Variants in CFAP46 observed in about 807,000 individuals in gnomAD.
CFAP46 encodes the protein cilia- and flagella-associated protein 46.
A neutral mutation model predicts 325.7 loss-of-function variants in CFAP46; 245 were observed. The observed-to-expected ratio is 0.75, with a 90% CI of 0.68 to 0.84. CFAP46 has a LOEUF of 0.84. Among genes scored for constraint, CFAP46 ranks in the 40% least tolerant of loss-of-function variants. The pLI is 0.00. For synonymous variants in CFAP46, 1,523 were observed against 1,495.9 expected (o/e 1.02, Z -0.42); for missense variants, 3,346 against 3,543.0 (o/e 0.94, Z 1.41).
Position 132,919,541 on chromosome 10 carries a change from T to C in CFAP46, c.1731-99A>G. ...CTGGCTGCCTGAGAAAAGGCCACTG[T>C]GGCTCTGCAGTTTCAAGGTGGCAAG... is the stretch of plus-strand genomic sequence containing the variant. On this transcript the variant is annotated intron_variant, in intron 14 of 57. Transcript: ENST00000368586. The surrounding 1 kb of genome is among the most constrained non-coding windows in gnomAD (Gnocchi z 9.7). The C allele has an allele frequency of 2.1e-6, 3 of 1,436,428 alleles. No homozygotes were observed. The highest frequency in any genetic ancestry group is 2.8e-6 in the Non-Finnish European group (3 of 1,082,718). 89.0% of individuals were successfully genotyped at this position (1,436,428 alleles called of 1,614,324 possible).
At chr10:132,860,648 CTG>C in intron 36 of CFAP46, 125 bp from the exon 37 acceptor site, 2 of 1,207,742 alleles carry the variant, frequency 1.7e-6, no homozygotes, top group Admixed American at 4.1e-5. Context: ...ACGGGTGTGT[CTG>C]AGGGTGGGGC....
rs975109407 is a variant in CFAP46, at chr10:132,832,394, C to T, written c.7117+964G>A. On this transcript the variant is annotated intron_variant, in intron 50 of 57. Coordinates refer to ENST00000368586, the MANE Select transcript of CFAP46 (RefSeq NM_001200049.3). This position sits in a 1 kb window ranked among gnomAD's most constrained non-coding sequence, Gnocchi z 4.1. Reference sequence around the variant, plus strand: ...AGACCCCTGGGCTCTTCCTGCCCCCCCCCCCCAATGCTGTGGCCTGGAAAT... The same window carrying T: ...AGACCCCTGGGCTCTTCCTGCCCCCTCCCCCCAATGCTGTGGCCTGGAAAT... Among the ~76,000 whole-genome samples, 1 of 139,562 alleles carries T rather than the reference C, an allele frequency of 7.2e-6. No individual in the cohort carries two copies. Among genetic ancestry groups the T allele is most frequent in the Admixed American group, 7.0e-5 (1 of 14,238 alleles). The allele number at this position is 139,562 out of a possible 152,430, so 91.6% of individuals were successfully genotyped here. A position where few individuals can be genotyped will look rare whatever the true frequency, so the allele number is the denominator to read the frequency against.
rs1464411384 is a variant in CFAP46 at position 132,835,277 on chromosome 10, G to A, written c.6744+27C>T. 4 of 1,609,748 alleles carry A rather than the reference G, an allele frequency of 2.5e-6. No individual in the cohort carries two copies. In the Admixed American group the frequency reaches 5.0e-5, roughly 20 times the overall value. ...GGTGGGGAGCAGAGGGTCCCGGCTGGGTGGCTTGGAGCCTGGAGGGCCTCA... is the reference window on the plus strand; with the variant it reads ...GGTGGGGAGCAGAGGGTCCCGGCTGAGTGGCTTGGAGCCTGGAGGGCCTCA... On this transcript the variant is annotated intron_variant, in intron 47 of 57. Coordinates refer to ENST00000368586, the MANE Select transcript of CFAP46 (RefSeq NM_001200049.3).
intron 38 of CFAP46, among the ~76,000 whole-genome samples, chr10:132,858,656 C>T (rs1457672278): frequency 6.6e-6 from 1 of 152,066 alleles, no homozygotes; most frequent in East Asian, 1.9e-4. Flanking sequence ...CTGCAAGCAG[C>T]TCAGGGCTGT....
intron 48 of CFAP46, 151 bp downstream of exon 48, chr10:132,834,503 A>G: frequency 2.7e-6 from 3 of 1,112,934 alleles, no homozygotes; most frequent in Non-Finnish European, 1.3e-6. Context: ...GAACCAGAAG[A>G]ATTGCTTCCT....
rs746930431 is a variant in CFAP46 at position 132,812,761 on chromosome 10, G to A, written c.7501+24C>T. On this transcript the variant is annotated intron_variant, in intron 55 of 57. Coordinates refer to ENST00000368586, the MANE Select transcript of CFAP46 (RefSeq NM_001200049.3). ...GTTTGTCCTGTGCCCGCGGGGGAGG[G>A]GGTGCTGAGAGGACACCTCTCACCT... The A allele has an allele frequency of 2.6e-6, 4 of 1,558,582 alleles. No homozygotes were observed. In the South Asian group the frequency reaches 3.3e-5, roughly 13 times the overall value.
At chr10:132,854,769 A>G (rs1370603063) in intron 39 of CFAP46, among the ~76,000 whole-genome samples, 9 of 152,116 alleles carry the variant, frequency 5.9e-5, no homozygotes, top group Admixed American at 5.9e-4. Flanking sequence ...CGACATTTTC[A>G]TCACTCCAAA....
At chr10:132,931,604 TACAGAGGCTAGG>T (rs1849904788) in intron 8 of CFAP46, among the ~76,000 whole-genome samples, 2 of 106,478 alleles carry the variant, frequency 1.9e-5, no homozygotes, top group African/African-American at 3.6e-5. Flanking sequence ...GCCTTCCCCA[TACAGAGGCTAGG>T]CCTCCCCACA....
intron 35 of CFAP46, among the ~76,000 whole-genome samples, chr10:132,862,478 G>A (rs73391302): frequency 0.076 from 11,459 of 150,784 alleles, 1,137 homozygotes; most frequent in African/African-American, 0.23. Flanking sequence ...TGATGCCAGG[G>A]TTTCCAGTGC....
rs751536013 is a variant in CFAP46 at position 132,920,104 on chromosome 10, G to C, written c.1685C>G (p.Ala562Gly). ...AWHHTVSVDK[A>G]AGHLRRLGNE... ...GCCCAGGCGCCGCAGGTGCCCGGCA[G>C]CTTTGTCCACGCTGACGGTGTGGTG... The change falls in exon 14 of 58, where the codon GCT (alanine) becomes GGT (glycine). Residue 562 changes from alanine to glycine, a missense_variant. Transcript: ENST00000368586. 2.8e-5 allele frequency: 44 copies of C among 1,549,138 alleles called. No individual in the cohort carries two copies. In the East Asian group the frequency reaches 1.1e-3, roughly 37 times the overall value.
Position 132,867,471 on chromosome 10 carries a change from A to G in CFAP46, c.4647T>C (p.Asn1549=). 3 of 1,550,192 alleles carry G rather than the reference A, an allele frequency of 1.9e-6. No individual in the cohort carries two copies. Among genetic ancestry groups the G allele is most frequent in the Non-Finnish European group, 1.7e-6 (2 of 1,146,942 alleles). Residue 1549 remains asparagine (N), a synonymous_variant, in exon 34 of 58, where the codon AAT becomes AAC. Coordinates refer to ENST00000368586, the MANE Select transcript of CFAP46 (RefSeq NM_001200049.3). ...RKEIALKKEK[N]KEPLLEESLP... ...GGCTTTCTTCTAATAAAGGCTCCTT[A>G]TTTTTCTCTTTTTTCAACGCGATCT...
intron 55 of CFAP46, 133 bp from the exon 56 acceptor site, chr10:132,811,164 G>A (rs758930028): frequency 7.0e-5 from 52 of 743,114 alleles, no homozygotes; most frequent in Non-Finnish European, 9.4e-5. Context: ...TCCGGGCTCC[G>A]ACCTCATGAC....
chr10:132,854,232 TC>T (rs1353327396), intron 39 of CFAP46, among the ~76,000 whole-genome samples: 1 of 152,256 alleles, frequency 6.6e-6, no homozygotes, highest in African/African-American at 2.4e-5. Flanking sequence ...CAAAATACTT[TC>T]CCCCTTGATT....
intron 39 of CFAP46, among the ~76,000 whole-genome samples, chr10:132,857,312 G>A (rs1166936709): frequency 2.0e-5 from 3 of 152,216 alleles, no homozygotes; most frequent in South Asian, 4.1e-4. Flanking sequence ...GCTCCATCCT[G>A]TGACTCAGGT....
At chr10:132,887,892 T>C (rs201933428) in intron 25 of CFAP46, among the ~76,000 whole-genome samples, 12 of 63,834 alleles carry the variant, frequency 1.9e-4, no homozygotes, top group East Asian at 4.5e-4. Context: ...CTCTCCTCTC[T>C]CCTCTTCTCT....
chr10:132,932,776 C>T (rs1849932804), intron 8 of CFAP46, among the ~76,000 whole-genome samples: 1 of 152,254 alleles, frequency 6.6e-6, no homozygotes, highest in South Asian at 2.1e-4. Context: ...ACCCACAGTG[C>T]TCCAGACAAC....
Position 132,886,361 on chromosome 10 carries a change from C to T in CFAP46, c.3305-402G>A, listed in dbSNP as rs1235014477. Reference sequence around the variant, plus strand: ...GAGGACACAGCGCCACGTGCACGCTCGGGAGTCCTCATGCTTGGTGCCCGC... The same window carrying T: ...GAGGACACAGCGCCACGTGCACGCTTGGGAGTCCTCATGCTTGGTGCCCGC... On this transcript the variant is annotated intron_variant, in intron 25 of 57. Transcript: ENST00000368586. The surrounding 1 kb of genome is among the most constrained non-coding windows in gnomAD (Gnocchi z 5.8). 4.6e-5 allele frequency among the ~76,000 whole-genome samples: 7 copies of T among 152,208 alleles called. No homozygotes were observed. The highest frequency in any genetic ancestry group is 2.1e-4 in the South Asian group (1 of 4,836).
intron 44 of CFAP46, among the ~76,000 whole-genome samples, chr10:132,838,179 C>T (rs7079852): frequency 0.096 from 14,662 of 152,272 alleles, 1,908 homozygotes; most frequent in African/African-American, 0.3. Context: ...GCAGTTCAGG[C>T]TCCTCACCAC....
At chr10:132,818,422 G>A (rs369624886) in intron 50 of CFAP46, among the ~76,000 whole-genome samples, 2 of 152,000 alleles carry the variant, frequency 1.3e-5, no homozygotes, top group African/African-American at 2.4e-5. Flanking sequence ...TAAAAACCCC[G>A]AACACACCTA....
Sources: gnomAD v4.1 joint callset for allele counts (sites outside exome capture counted in the v4.1 genomes callset) on GRCh38, gnomAD v4.1.1 for gene constraint, Gnocchi (gnomAD v3.1) non-coding constraint, MANE v1.5 for transcripts, NCBI Gene and HGNC (gene_info 2026-07-23, HGNC 2026-07-21) for gene names.